Variants in TSGA10 observed in about 807,000 individuals in gnomAD.
TSGA10 encodes the protein testis specific 10, also known as testis-specific gene 10 protein.
Under a neutral mutation model 96.6 loss-of-function variants are expected in TSGA10, and 43 were observed. The ratio of observed to expected loss-of-function variants is 0.44; its 90% CI spans 0.35 to 0.57. The LOEUF (loss-of-function observed/expected upper bound fraction) is 0.57, where lower values mean the gene tolerates loss of function less well. TSGA10 is among the 20% of genes least tolerant of loss of function. The pLI, the probability that TSGA10 is intolerant of heterozygous loss-of-function variation, is 0.01. For missense variants in TSGA10, 703 were observed against 834.4 expected, an observed-to-expected ratio of 0.84 and a Z score of 1.94; for synonymous variants, 229 against 269.9, an observed-to-expected ratio of 0.85 and a Z score of 1.48.
At position 99,002,855 on chromosome 2, in the gene TSGA10, A is replaced by C. The variant is rs1193174180; in HGVS notation, c.2073-4634T>G. On this transcript the variant is annotated intron_variant, in intron 20 of 20. Transcript: ENST00000393483. ...GGGGTTACAATCCTAGTCTCTGATA[A>C]AACAAACTTTTTTTTTTTTTTTGAG... 3.3e-5 allele frequency among the ~76,000 whole-genome samples: 5 copies of C among 152,042 alleles called. No individual in the cohort carries two copies. In the East Asian group the frequency reaches 9.7e-4, roughly 29 times the overall value.
chr2:99,102,800 T>A (rs1364646504), intron 10 of TSGA10: 2 of 1,402,598 alleles, frequency 1.4e-6, no homozygotes, highest in African/African-American at 2.8e-5. Flanking sequence ...AGTAATATGA[T>A]TCTCATACCC....
intron 20 of TSGA10, among the ~76,000 whole-genome samples, chr2:99,005,765 C>A (rs2078411406): frequency 2.0e-5 from 3 of 152,200 alleles, no homozygotes; most frequent in African/African-American, 7.2e-5. Context: ...CTACCAATGA[C>A]TTTCTTCACA....
Position 99,154,928 on chromosome 2 carries a change from A to C in TSGA10, c.-856T>G. Reference sequence around the variant, plus strand: ...CGCGCCCCTCCTTCTCTTGCGCTTCAGGGGGCCGGCCCTCAGGGGGCGGGG... The same window carrying C: ...CGCGCCCCTCCTTCTCTTGCGCTTCCGGGGGCCGGCCCTCAGGGGGCGGGG... On this transcript the variant is annotated 5_prime_UTR_variant, in exon 1 of 21. Coordinates refer to ENST00000393483, the MANE Select transcript of TSGA10 (RefSeq NM_025244.4). 2.2e-6 allele frequency: 1 copy of C among 446,804 alleles called. No homozygotes were observed. The highest frequency in any genetic ancestry group is 1.6e-5 in the South Asian group (1 of 63,968). The allele number at this position is 446,804 out of a possible 1,614,324, so 27.7% of individuals were successfully genotyped here. A position where few individuals can be genotyped will look rare whatever the true frequency, so the allele number is the denominator to read the frequency against.
intron 16 of TSGA10, among the ~76,000 whole-genome samples, chr2:99,060,239 T>C (rs188001323): frequency 3.1e-4 from 47 of 152,316 alleles, no homozygotes; most frequent in African/African-American, 1.1e-3. Flanking sequence ...AAAATTCTAT[T>C]CTACTTTTGT....
intron 1 of TSGA10, among the ~76,000 whole-genome samples, chr2:99,133,553 T>C (rs1038173396): frequency 1.3e-5 from 2 of 152,222 alleles, no homozygotes; most frequent in Non-Finnish European, 2.9e-5. Context: ...TGCCAGTCTG[T>C]GTCTTTTAGT....
intron 2 of TSGA10, among the ~76,000 whole-genome samples, chr2:99,124,328 A>G (rs1251450654): frequency 6.6e-6 from 1 of 152,190 alleles, no homozygotes; most frequent in Non-Finnish European, 1.5e-5. Flanking sequence ...CTGGGGGGAA[A>G]GGGGCTAATT....
chr2:99,035,058 A>C (rs547355816), intron 17 of TSGA10, among the ~76,000 whole-genome samples, 172 bp downstream of exon 17: 32 of 152,292 alleles, frequency 2.1e-4, no homozygotes, highest in Non-Finnish European at 4.3e-4. Context: ...TTACAGTCTT[A>C]AGTTGTCTGG....
chr2:99,061,423 C>T (rs1397606410), intron 16 of TSGA10, among the ~76,000 whole-genome samples: 1 of 152,116 alleles, frequency 6.6e-6, no homozygotes, highest in Non-Finnish European at 1.5e-5. Context: ...ACTGATATAA[C>T]CACTTTGTTT....
chr2:98,999,558 A>G (rs2104766812), intron 20 of TSGA10, among the ~76,000 whole-genome samples: 1 of 149,382 alleles, frequency 6.7e-6, no homozygotes. Flanking sequence ...TCATATTAAT[A>G]GAAAGGTAAC....
At chr2:99,077,705 G>A (rs908788046) in intron 12 of TSGA10, among the ~76,000 whole-genome samples, 1 of 152,004 alleles carries the variant, frequency 6.6e-6, no homozygotes, top group Non-Finnish European at 1.5e-5. Context: ...GTGATTACAG[G>A]TGCCCGCCAC....
intron 10 of TSGA10, among the ~76,000 whole-genome samples, chr2:99,100,764 G>A (rs1210223466): frequency 6.9e-6 from 1 of 144,050 alleles, no homozygotes; most frequent in Admixed American, 7.2e-5. Context: ...AGCTTGCAGT[G>A]AGCCGAGATT....
chr2:99,088,082 G>C (rs1011518198), intron 10 of TSGA10, among the ~76,000 whole-genome samples: 1 of 152,188 alleles, frequency 6.6e-6, no homozygotes, highest in Non-Finnish European at 1.5e-5. Flanking sequence ...GTGGGAGAAA[G>C]AACTAGATAA....
chr2:99,148,992 TAAATAAAAATAA>T (rs1041351438), intron 1 of TSGA10, among the ~76,000 whole-genome samples: 3 of 151,316 alleles, frequency 2.0e-5, no homozygotes. Context: ...GGAAAAAAAA[TAAATAAAAATAA>T]AAATAAAAAT....
chr2:99,055,956 C>A (rs1386332389), intron 16 of TSGA10, among the ~76,000 whole-genome samples: 1 of 151,422 alleles, frequency 6.6e-6, no homozygotes, highest in African/African-American at 2.4e-5. Flanking sequence ...GTAATCCCAG[C>A]ACTTTGGGAG....
At chr2:99,089,874 A>G (rs1044372148) in intron 10 of TSGA10, among the ~76,000 whole-genome samples, 1 of 151,988 alleles carries the variant, frequency 6.6e-6, no homozygotes, top group Admixed American at 6.6e-5. Flanking sequence ...CTGGGGCCCC[A>G]CTCACCACCT....
At chr2:99,099,253 G>A (rs929449603) in intron 10 of TSGA10, among the ~76,000 whole-genome samples, 6 of 152,038 alleles carry the variant, frequency 3.9e-5, no homozygotes, top group African/African-American at 7.2e-5. Flanking sequence ...CGGAGGTTGC[G>A]GTGAGCCAAG....
chr2:99,006,271 A>G (rs970178672), intron 20 of TSGA10, among the ~76,000 whole-genome samples: 2 of 152,176 alleles, frequency 1.3e-5, no homozygotes, highest in Non-Finnish European at 2.9e-5. Context: ...AGCAATGGCA[A>G]CAAAAGCCAA....
At chr2:99,116,721 G>T (rs1276994079) in intron 4 of TSGA10, among the ~76,000 whole-genome samples, 1 of 151,880 alleles carries the variant, frequency 6.6e-6, no homozygotes, top group Non-Finnish European at 1.5e-5. Context: ...ATTTTCAAAT[G>T]TTAGTTAAAA....
intron 11 of TSGA10, among the ~76,000 whole-genome samples, 200 bp downstream of exon 11, chr2:99,081,082 C>T (rs2087416997): frequency 6.6e-6 from 1 of 152,102 alleles, no homozygotes; most frequent in Admixed American, 6.5e-5. Flanking sequence ...TAAATTTTAA[C>T]TTATCACTAA....
Sources: allele counts gnomAD v4.1 joint callset (sites outside exome capture counted in the v4.1 genomes callset), GRCh38; gene constraint gnomAD v4.1.1; transcripts MANE v1.5; gene names NCBI Gene and HGNC (gene_info 2026-07-23, HGNC 2026-07-21).